Variants in TENM3 observed in about 807,000 individuals in gnomAD.
TENM3 encodes teneurin transmembrane protein 3.
In TENM3, 63 loss-of-function variants were observed where a neutral mutation model predicts 255.1. The observed-to-expected ratio is 0.25, with a 90% CI of 0.20 to 0.30. The LOEUF is 0.30. TENM3 is among the 10% of genes least tolerant of loss of function. TENM3 has a pLI of 1.00. For synonymous variants in TENM3, 1,306 were observed against 1,322.3 expected, an observed-to-expected ratio of 0.99 and a Z score of 0.27; for missense variants, 2,929 against 3,461.1, an observed-to-expected ratio of 0.85 and a Z score of 3.86.
chr4:181,517,900 G>A, the TENM3 span, among the ~76,000 whole-genome samples: 66 of 152,148 alleles, frequency 4.3e-4, 1 homozygote, highest in Admixed American at 2.9e-3. Flanking sequence ...TATTTTTCTG[G>A]GTTTTAATTA....
At chr4:182,766,979 C>T (rs1763766738) in intron 22 of TENM3, among the ~76,000 whole-genome samples, 2 of 152,256 alleles carry the variant, frequency 1.3e-5, no homozygotes, top group Middle Eastern at 3.4e-3. Flanking sequence ...TGTCTTCCTT[C>T]TTTTGCATTT....
the TENM3 span, among the ~76,000 whole-genome samples, chr4:182,069,180 AT>A: frequency 6.6e-6 from 1 of 152,218 alleles, no homozygotes; most frequent in Non-Finnish European, 1.5e-5. Flanking sequence ...AATTTAAAGA[AT>A]TTGCAGAGGT....
At chr4:182,691,155 T>C (rs1049488197) in intron 12 of TENM3, among the ~76,000 whole-genome samples, 12 of 152,268 alleles carry the variant, frequency 7.9e-5, no homozygotes, top group Admixed American at 5.2e-4. Context: ...CGGGGCCATT[T>C]GTGAGCCACA....
At chr4:182,649,298 A>G (rs1296432507) in intron 5 of TENM3, among the ~76,000 whole-genome samples, 1 of 150,648 alleles carries the variant, frequency 6.6e-6, no homozygotes, top group Non-Finnish European at 1.5e-5. Context: ...AAATATAATC[A>G]TTCTTTCTAC....
At chr4:182,099,581 G>A in the TENM3 span, among the ~76,000 whole-genome samples, 1 of 152,116 alleles carries the variant, frequency 6.6e-6, no homozygotes, top group Non-Finnish European at 1.5e-5. Flanking sequence ...AAATCTCATT[G>A]TTTGTAAATA....
chr4:182,518,399 C>T (rs1387628919), intron 3 of TENM3, among the ~76,000 whole-genome samples: 1 of 151,998 alleles, frequency 6.6e-6, no homozygotes, highest in Non-Finnish European at 1.5e-5. Flanking sequence ...TAATTAAGGT[C>T]CCTAATCAGT....
chr4:182,633,631 C>T (rs546678090), intron 5 of TENM3, among the ~76,000 whole-genome samples: 3 of 152,330 alleles, frequency 2.0e-5, no homozygotes, highest in South Asian at 4.1e-4. Context: ...ATGTGCAGTG[C>T]TTACTGTGCC....
intron 3 of TENM3, among the ~76,000 whole-genome samples, chr4:182,509,439 A>G (rs541556448): frequency 2.6e-5 from 4 of 152,244 alleles, no homozygotes; most frequent in African/African-American, 9.6e-5. Flanking sequence ...TTGCACATTT[A>G]TTTGATGCTC....
intron 4 of TENM3, among the ~76,000 whole-genome samples, chr4:182,614,509 T>C (rs1749292297): frequency 1.3e-5 from 2 of 152,222 alleles, no homozygotes; most frequent in Admixed American, 6.5e-5. Flanking sequence ...TTATTACTTA[T>C]TACTTCTTAG....
intron 1 of TENM3, among the ~76,000 whole-genome samples, chr4:182,263,522 C>T (rs2150175955): frequency 6.6e-6 from 1 of 152,228 alleles, no homozygotes; most frequent in Middle Eastern, 3.4e-3. Context: ...GATTCATCTG[C>T]GTTGCACTCT....
the TENM3 span, among the ~76,000 whole-genome samples, chr4:181,658,263 C>T: frequency 6.6e-6 from 1 of 152,182 alleles, no homozygotes; most frequent in Non-Finnish European, 1.5e-5. Context: ...TATTTTCTTT[C>T]ATACTACCTG....
intron 3 of TENM3, among the ~76,000 whole-genome samples, chr4:182,525,680 G>A (rs1251370568): frequency 2.6e-5 from 4 of 152,164 alleles, no homozygotes; most frequent in Non-Finnish European, 5.9e-5. Context: ...GTTGCCCTTC[G>A]AGTTCTATTG....
the TENM3 span, among the ~76,000 whole-genome samples, chr4:182,075,498 G>A: frequency 5.3e-4 from 80 of 152,092 alleles, 1 homozygote; most frequent in Non-Finnish European, 1.0e-3. Context: ...ACGCTCAGCC[G>A]ACAGTTGGTT....
intron 19 of TENM3, 99 bp from the exon 20 acceptor site, chr4:182,751,701 T>C: frequency 2.5e-6 from 2 of 812,502 alleles, no homozygotes; most frequent in East Asian, 2.5e-5. Flanking sequence ...GATTCCAGAC[T>C]ATAATCAGTT....
rs149105794 is a variant in TENM3, at chr4:182,571,282, T to C, written c.512-29642T>C. On this transcript the variant is annotated intron_variant, in intron 3 of 27. Transcript: ENST00000511685. ...GGCTCCCGCCTGTAATCCCAGCACTTTGGGAGGCCAAGGCAGACAGATCAC... is the reference window on the plus strand; with the variant it reads ...GGCTCCCGCCTGTAATCCCAGCACTCTGGGAGGCCAAGGCAGACAGATCAC... 2.9e-3 allele frequency among the ~76,000 whole-genome samples: 439 copies of C among 152,266 alleles called. 1 individual carries two copies. Among genetic ancestry groups the C allele is most frequent in the African/African-American group, 9.7e-3 (404 of 41,556 alleles).
the TENM3 span, among the ~76,000 whole-genome samples, chr4:181,680,940 C>T: frequency 6.6e-6 from 1 of 152,020 alleles, no homozygotes. Flanking sequence ...GAAATTAGGA[C>T]ATCTTAACAG....
At chr4:182,219,907 G>T (rs1395641546) in intron 1 of TENM3, among the ~76,000 whole-genome samples, 3 of 152,198 alleles carry the variant, frequency 2.0e-5, no homozygotes, top group Admixed American at 2.0e-4. Flanking sequence ...TGTTTGGCAA[G>T]ATTGTACTTA....
intron 3 of TENM3, among the ~76,000 whole-genome samples, chr4:182,514,505 G>A (rs1451479388): frequency 6.6e-6 from 1 of 152,138 alleles, no homozygotes; most frequent in Non-Finnish European, 1.5e-5. Flanking sequence ...CTGAACAGTG[G>A]TTTTGAAACT....
intron 12 of TENM3, among the ~76,000 whole-genome samples, chr4:182,705,657 G>A (rs1396761816): frequency 6.6e-6 from 1 of 152,140 alleles, no homozygotes; most frequent in Non-Finnish European, 1.5e-5. Context: ...GATGGCAAAA[G>A]GAAGCAAACT....
Sources: gnomAD v4.1 joint callset for allele counts (sites outside exome capture counted in the v4.1 genomes callset) on GRCh38, gnomAD v4.1.1 for gene constraint, MANE v1.5 for transcripts, NCBI Gene and HGNC (gene_info 2026-07-23, HGNC 2026-07-21) for gene names.